The following SWT1 variants were observed in gnomAD, a reference collection of about 807,000 sequenced individuals.
The protein encoded by SWT1 is transcriptional protein SWT1.
In SWT1, 33 loss-of-function variants were observed where a neutral mutation model predicts 107.3. That is an observed-to-expected ratio of 0.31 (90% CI 0.23 to 0.41). The LOEUF (loss-of-function observed/expected upper bound fraction) is 0.41. Ranked by LOEUF, SWT1 falls within the 10% of genes least tolerant of loss-of-function variation. SWT1 has a pLI of 1.00. For missense variants in SWT1, 898 were observed against 1,028.9 expected (o/e 0.87, Z 1.74); for synonymous variants, 345 against 348.3 (o/e 0.99, Z 0.11).
At chr1:185,261,748 T>G (rs570867715) in intron 16 of SWT1, among the ~76,000 whole-genome samples, 13 of 152,312 alleles carry the variant, frequency 8.5e-5, no homozygotes, top group African/African-American at 2.9e-4. Flanking sequence ...TTGTCCTGTT[T>G]TTATTAAAAG....
At chr1:185,237,369 C>T (rs1186721779) in intron 16 of SWT1, among the ~76,000 whole-genome samples, 1 of 152,048 alleles carries the variant, frequency 6.6e-6, no homozygotes, top group Non-Finnish European at 1.5e-5. Flanking sequence ...TACTATACAG[C>T]CATAAAAAAG....
In SWT1 at chr1:185,281,009, C is replaced by A; in HGVS notation, c.2573+4341C>A. 3 of 340,796 alleles carry A rather than the reference C, an allele frequency of 8.8e-6. No individual in the cohort carries two copies. In the East Asian group the frequency reaches 2.5e-4, roughly 28 times the overall value. 21.1% of individuals were successfully genotyped at this position (340,796 alleles called of 1,614,324 possible). A position where few individuals can be genotyped will look rare whatever the true frequency, so the allele number is the denominator to read the frequency against. On this transcript the variant is annotated intron_variant, in intron 18 of 18. Transcript: ENST00000367500. ...TGATATGTCCAAGAGTTTTCAGTCC[C>A]TTTTTATGATGATGACTAAGTCCTT...
chr1:185,252,638 T>C (rs1449331528), intron 16 of SWT1, among the ~76,000 whole-genome samples: 3 of 152,190 alleles, frequency 2.0e-5, no homozygotes, highest in Non-Finnish European at 4.4e-5. Context: ...TGTTTGTTTT[T>C]TTCTTGTAAA....
chr1:185,194,854 G>A (rs889455980), intron 10 of SWT1, among the ~76,000 whole-genome samples: 1 of 152,012 alleles, frequency 6.6e-6, no homozygotes. Flanking sequence ...GATAGCTTCA[G>A]TATCTGTGTT....
chr1:185,171,272 C>T (rs1242344689), intron 4 of SWT1: 1 of 190,912 alleles, frequency 5.2e-6, no homozygotes, highest in Non-Finnish European at 1.1e-5. Context: ...AAGGATGAAC[C>T]ACCATTTTGG....
chr1:185,203,416 C>T (rs777820954), intron 11 of SWT1, among the ~76,000 whole-genome samples: 1 of 151,982 alleles, frequency 6.6e-6, no homozygotes, highest in East Asian at 1.9e-4. Context: ...CTGAGGAGTT[C>T]GAGACCAGCC....
intron 16 of SWT1, among the ~76,000 whole-genome samples, chr1:185,252,785 A>T (rs1010528837): frequency 4.7e-4 from 72 of 152,168 alleles, no homozygotes; most frequent in African/African-American, 1.6e-3. Context: ...TCTTGAGTTT[A>T]ATTAGATCCC....
chr1:185,168,621 C>G (rs2102320179), intron 4 of SWT1, among the ~76,000 whole-genome samples: 1 of 152,222 alleles, frequency 6.6e-6, no homozygotes, highest in African/African-American at 2.4e-5. Flanking sequence ...AAATGACACT[C>G]AAATGTGCAT....
intron 16 of SWT1, among the ~76,000 whole-genome samples, chr1:185,233,936 G>A (rs935258917): frequency 8.5e-5 from 13 of 152,090 alleles, no homozygotes; most frequent in Middle Eastern, 3.4e-3. Flanking sequence ...AGTAGAGACC[G>A]GGTTTCACCA....
chr1:185,239,254 T>C (rs1661099427), intron 16 of SWT1, among the ~76,000 whole-genome samples: 1 of 152,140 alleles, frequency 6.6e-6, no homozygotes. Context: ...TAAATGAGAA[T>C]CCTGGTACCT....
intron 2 of SWT1, 55 bp from the exon 3 acceptor site, chr1:185,166,517 A>G (rs1558005288): frequency 1.7e-6 from 2 of 1,166,722 alleles, no homozygotes; most frequent in Non-Finnish European, 2.5e-6. Context: ...AGTTCTGTTT[A>G]TACTATGCTT....
At chr1:185,196,456 C>G (rs1312965747) in intron 10 of SWT1, among the ~76,000 whole-genome samples, 1 of 152,114 alleles carries the variant, frequency 6.6e-6, no homozygotes, top group Non-Finnish European at 1.5e-5. Flanking sequence ...TTAGGATTGT[C>G]TTGGCTATAC....
intron 11 of SWT1, among the ~76,000 whole-genome samples, chr1:185,203,514 G>A (rs1481191138): frequency 4.0e-5 from 6 of 151,726 alleles, no homozygotes; most frequent in African/African-American, 7.3e-5. Flanking sequence ...CCAGCTACTC[G>A]GGAGGCTGAG....
chr1:185,204,263 C>T (rs12087053), intron 11 of SWT1, among the ~76,000 whole-genome samples: 2,378 of 151,038 alleles, frequency 0.016, 55 homozygotes, highest in African/African-American at 0.055. Context: ...GGCAACAGAG[C>T]GAGACTCCGT....
chr1:185,192,945 G>C (rs1657082153), intron 10 of SWT1, among the ~76,000 whole-genome samples: 1 of 152,040 alleles, frequency 6.6e-6, no homozygotes, highest in South Asian at 2.1e-4. Context: ...ACCGCGCCTG[G>C]CCCAGAAAGT....
intron 4 of SWT1, among the ~76,000 whole-genome samples, chr1:185,172,079 C>G (rs1482864438): frequency 1.3e-5 from 2 of 152,168 alleles, no homozygotes; most frequent in Non-Finnish European, 2.9e-5. Flanking sequence ...GGTAAAGACT[C>G]TATCTGCTGT....
At chr1:185,253,880 G>A (rs946148167) in intron 16 of SWT1, among the ~76,000 whole-genome samples, 2 of 151,568 alleles carry the variant, frequency 1.3e-5, no homozygotes, top group African/African-American at 4.9e-5. Flanking sequence ...AATGCTTCCA[G>A]TTTTTGTCCA....
intron 16 of SWT1, among the ~76,000 whole-genome samples, chr1:185,268,792 G>A (rs1218755990): frequency 6.6e-6 from 1 of 150,864 alleles, no homozygotes; most frequent in Non-Finnish European, 1.5e-5. Context: ...TTCTAAAGCC[G>A]TAAAAAAGAA....
At chr1:185,190,665 TTTTTA>T in intron 10 of SWT1, 23 bp downstream of exon 10, 1 of 1,384,140 alleles carries the variant, frequency 7.2e-7, no homozygotes, top group Non-Finnish European at 1.0e-6. Flanking sequence ...GTCATTTGAC[TTTTTA>T]TTTTTAAAAA....
Sources: gnomAD v4.1 joint callset for allele counts (sites outside exome capture counted in the v4.1 genomes callset) on GRCh38, gnomAD v4.1.1 for gene constraint, MANE v1.5 for transcripts, NCBI Gene and HGNC (gene_info 2026-07-23, HGNC 2026-07-21) for gene names.